Variants in STAU1 observed in about 807,000 individuals in gnomAD.
The protein encoded by STAU1 is staufen double-stranded RNA binding protein 1, also known as double-stranded RNA-binding protein Staufen homolog 1.
STAU1 carries 13 observed loss-of-function variants against 62.9 expected under a neutral mutation model. That is an observed-to-expected ratio of 0.21 (90% CI 0.13 to 0.33). STAU1 has a LOEUF of 0.33. Ranked by LOEUF, STAU1 falls within the 10% of genes least tolerant of loss-of-function variation. The probability of loss-of-function intolerance (pLI) is 1.00; values close to 1 mark genes in which losing one functional copy is unlikely to be tolerated. For synonymous variants in STAU1, 269 were observed against 265.1 expected, an observed-to-expected ratio of 1.01 and a Z score of -0.14; for missense variants, 571 against 712.1, an observed-to-expected ratio of 0.80 and a Z score of 2.25.
At chr20:49,165,820 CT>C (rs1858660685) in intron 3 of STAU1, among the ~76,000 whole-genome samples, 176 bp downstream of exon 3, 1 of 57,994 alleles carries the variant, frequency 1.7e-5, no homozygotes, top group African/African-American at 5.3e-5. Context: ...ACTGAGGCCC[CT>C]GTCAACCCCT....
chr20:49,159,002 T>C (rs758130340), intron 3 of STAU1: 2 of 1,295,722 alleles, frequency 1.5e-6, no homozygotes, highest in South Asian at 2.5e-5. Flanking sequence ...CTGCAGTCCA[T>C]CAGGCTACTC....
intron 3 of STAU1, among the ~76,000 whole-genome samples, chr20:49,156,204 T>C (rs1452119178): frequency 1.3e-5 from 2 of 152,374 alleles, no homozygotes; most frequent in African/African-American, 4.8e-5. Flanking sequence ...AAATTAAACT[T>C]ATATTCTTGC....
intron 6 of STAU1, among the ~76,000 whole-genome samples, chr20:49,128,507 T>C (rs1016352392): frequency 5.3e-5 from 8 of 152,142 alleles, no homozygotes; most frequent in Admixed American, 2.6e-4. Flanking sequence ...CCATTTCTAT[T>C]AGAAATTTAT....
intron 6 of STAU1, among the ~76,000 whole-genome samples, chr20:49,135,600 A>C (rs1212457124): frequency 6.6e-6 from 1 of 152,212 alleles, no homozygotes; most frequent in Non-Finnish European, 1.5e-5. Context: ...GGAGGTCCAC[A>C]CACCAACTGA....
At chr20:49,163,429 T>C (rs1226755750) in intron 3 of STAU1, among the ~76,000 whole-genome samples, 2 of 137,236 alleles carry the variant, frequency 1.5e-5, no homozygotes, top group Non-Finnish European at 3.2e-5. Context: ...CTTTTTTTTT[T>C]TTTTTTTTTT....
chr20:49,134,484 C>T (rs192569885), intron 6 of STAU1: 12 of 955,356 alleles, frequency 1.3e-5, no homozygotes, highest in Admixed American at 7.3e-5. Context: ...GCCAAGATGC[C>T]GGCTCATTAC....
At chr20:49,123,344 G>C in intron 7 of STAU1, 109 bp from the exon 8 acceptor site, 1 of 1,363,198 alleles carries the variant, frequency 7.3e-7, no homozygotes, top group Non-Finnish European at 1.0e-6. Flanking sequence ...TTGACCTAAT[G>C]GCTCAGAATT....
intron 1 of STAU1, among the ~76,000 whole-genome samples, chr20:49,178,921 A>AAC (rs2093691292): frequency 6.6e-6 from 1 of 150,478 alleles, no homozygotes; most frequent in Non-Finnish European, 1.5e-5. Flanking sequence ...AAAAAAAAAA[A>AAC]AAAAAAACAA....
chr20:49,135,421 C>T (rs1016326202), intron 6 of STAU1, among the ~76,000 whole-genome samples: 3 of 152,204 alleles, frequency 2.0e-5, no homozygotes, highest in Admixed American at 1.3e-4. Flanking sequence ...TGAGGGCAGA[C>T]GCTAGACAAT....
intron 4 of STAU1, among the ~76,000 whole-genome samples, chr20:49,152,431 C>T (rs1045100003): frequency 1.3e-5 from 2 of 150,248 alleles, no homozygotes; most frequent in Non-Finnish European, 3.0e-5. Flanking sequence ...GCAACCTCCG[C>T]TTCCTGGGTT....
At chr20:49,115,265 G>C (rs2145796273) in intron 13 of STAU1, among the ~76,000 whole-genome samples, 1 of 152,216 alleles carries the variant, frequency 6.6e-6, no homozygotes, top group South Asian at 2.1e-4. Context: ...ATAATGCAGA[G>C]TTCTGACCAT....
chr20:49,136,659 A>G (rs1057188412), intron 5 of STAU1, among the ~76,000 whole-genome samples: 17 of 152,142 alleles, frequency 1.1e-4, no homozygotes, highest in Non-Finnish European at 5.9e-5. Flanking sequence ...AAGTCTGTCC[A>G]CATGAGTATG....
chr20:49,119,947 G>A, intron 9 of STAU1, 35 bp downstream of exon 9: 1 of 1,604,896 alleles, frequency 6.2e-7, no homozygotes, highest in Non-Finnish European at 8.5e-7. Flanking sequence ...TGAGGCGAGA[G>A]ACCATCTTGC....
rs145558067 is a variant in STAU1, at chr20:49,153,710, C to CAA, written c.344+221_344+222dup. Among the ~76,000 whole-genome samples the CAA allele has an allele frequency of 8.7e-3, 588 of 67,498 alleles. 13 individuals carry two copies. Among genetic ancestry groups the CAA allele is most frequent in the Non-Finnish European group, 1.0e-2 (374 of 37,578 alleles). 44.3% of individuals were successfully genotyped at this position (67,498 alleles called of 152,430 possible). On this transcript the variant is annotated intron_variant, in intron 4 of 13. Transcript: ENST00000371856. The stretch of plus-strand genomic sequence containing the variant: ...TGGGTGACAGAGCAAGACTCTGTCT[C>CAA]AAAAAAAAAAAAAAAAAAAAAAAAA...
intron 3 of STAU1, chr20:49,158,990 T>G: frequency 7.7e-7 from 1 of 1,300,040 alleles, no homozygotes; most frequent in Non-Finnish European, 1.0e-6. Context: ...TTATTATATG[T>G]TCTGCAGTCC....
At chr20:49,190,759 G>C (rs916727507), upstream of STAU1, among the ~76,000 whole-genome samples, 1 of 152,128 alleles carries the variant, frequency 6.6e-6, no homozygotes, top group African/African-American at 2.4e-5. Context: ...AAAGATGGAA[G>C]CTGTGTGTTC....
chr20:49,166,412 T>C (rs1400890246), intron 2 of STAU1, 127 bp from the exon 3 acceptor site: 7 of 562,184 alleles, frequency 1.2e-5, no homozygotes, highest in Non-Finnish European at 2.2e-5. Context: ...TGTAGCTATG[T>C]TGATTTATTC....
chr20:49,136,302 C>T (rs182981677), intron 5 of STAU1, among the ~76,000 whole-genome samples: 24 of 152,116 alleles, frequency 1.6e-4, no homozygotes, highest in Non-Finnish European at 3.2e-4. Context: ...GACGCTGTCC[C>T]CCACAAAAAA....
intron 2 of STAU1, among the ~76,000 whole-genome samples, chr20:49,172,705 G>A (rs1020910239): frequency 6.6e-6 from 1 of 152,112 alleles, no homozygotes; most frequent in Non-Finnish European, 1.5e-5. Flanking sequence ...AACCAACAAT[G>A]TTAAATCAGA....
Sources: allele counts gnomAD v4.1 joint callset (sites outside exome capture counted in the v4.1 genomes callset), GRCh38; gene constraint gnomAD v4.1.1; transcripts MANE v1.5; gene names NCBI Gene and HGNC (gene_info 2026-07-23, HGNC 2026-07-21).